The following P3H2 variants were observed in gnomAD, a reference collection of about 807,000 sequenced individuals.
P3H2 encodes the protein leprecan-like 1.
Under a neutral mutation model 87.0 loss-of-function variants are expected in P3H2, and 80 were observed. That is an observed-to-expected ratio of 0.92 (90% CI 0.77 to 1.11). The LOEUF (loss-of-function observed/expected upper bound fraction) is 1.11. Among genes scored for constraint, P3H2 ranks in the 50% least tolerant of loss-of-function variants. P3H2 has a pLI of 0.00. For missense variants in P3H2, 1,001 were observed against 923.9 expected (o/e 1.08, Z -1.08); for synonymous variants, 367 against 359.3 (o/e 1.02, Z -0.24).
chr3:190,004,445 G>C (rs191112305), intron 1 of P3H2, among the ~76,000 whole-genome samples: 3,211 of 152,112 alleles, frequency 0.021, 115 homozygotes, highest in African/African-American at 0.072. Flanking sequence ...TGCAGTGGCG[G>C]GATCTCGGCT....
intron 1 of P3H2, among the ~76,000 whole-genome samples, chr3:190,010,535 CA>C (rs146482183): frequency 0.038 from 5,766 of 152,000 alleles, 326 homozygotes; most frequent in African/African-American, 0.12. Context: ...AGAGAGACAC[CA>C]GGAGAACGAG....
Position 189,962,195 on chromosome 3 carries a change from T to TCTC in P3H2, c.2034+1760_2034+1762dup, listed in dbSNP as rs1398095248. On this transcript the variant is annotated intron_variant, in intron 14 of 14. Transcript: ENST00000319332. ...TTTTTTTTTTTTTTTTAAGACAGAG[T>TCTC]CTCACTCTTGTCGCCCAGGTTACAG... Among the ~76,000 whole-genome samples the TCTC allele has an allele frequency of 4.1e-5, 5 of 122,724 alleles. No individual in the cohort carries two copies. The Admixed American group carries it at 4.7e-4, about 12-fold the overall frequency. 80.5% of individuals were successfully genotyped at this position (122,724 alleles called of 152,430 possible). A position where few individuals can be genotyped will look rare whatever the true frequency, so the allele number is the denominator to read the frequency against.
intron 3 of P3H2, 113 bp from the exon 4 acceptor site, chr3:189,989,151 A>C: frequency 2.4e-6 from 3 of 1,259,480 alleles, no homozygotes; most frequent in Non-Finnish European, 3.4e-6. Flanking sequence ...TGGAAGACCA[A>C]ATTATTATAA....
At chr3:190,019,785 A>AAAAAATATAT (rs1219688564) in intron 1 of P3H2, among the ~76,000 whole-genome samples, 2 of 37,390 alleles carry the variant, frequency 5.3e-5, no homozygotes, top group African/African-American at 1.3e-4. Flanking sequence ...GAAATTAAAA[A>AAAAAATATAT]ATATATATAT....
chr3:190,119,415 CTCAT>C (rs1482014164), intron 1 of P3H2, among the ~76,000 whole-genome samples: 1 of 152,138 alleles, frequency 6.6e-6, no homozygotes, highest in East Asian at 1.9e-4. Context: ...GGTTGAAGAA[CTCAT>C]TCAAATTCCC....
At chr3:190,081,250 G>C (rs1727032686) in intron 1 of P3H2, among the ~76,000 whole-genome samples, 2 of 152,142 alleles carry the variant, frequency 1.3e-5, no homozygotes, top group Admixed American at 1.3e-4. Flanking sequence ...TGGAAGCCTA[G>C]AAATAAAATA....
intron 3 of P3H2, 78 bp from the exon 4 acceptor site, chr3:189,989,116 C>T: frequency 1.3e-6 from 2 of 1,550,172 alleles, no homozygotes; most frequent in Non-Finnish European, 8.9e-7. Flanking sequence ...CACAGTTACA[C>T]AGGTCATTCC....
At chr3:190,111,157 C>G (rs1215490703) in intron 1 of P3H2, among the ~76,000 whole-genome samples, 1 of 152,152 alleles carries the variant, frequency 6.6e-6, no homozygotes, top group Admixed American at 6.5e-5. Flanking sequence ...TCTGAGTTTT[C>G]CCCAGAAGTA....
intron 1 of P3H2, among the ~76,000 whole-genome samples, chr3:190,025,952 G>A (rs1056117312): frequency 5.3e-5 from 8 of 152,100 alleles, no homozygotes; most frequent in African/African-American, 1.9e-4. Context: ...ATAAGTGTTT[G>A]TCTTTAGTAA....
At chr3:189,989,763 T>C (rs1723821844) in intron 3 of P3H2, among the ~76,000 whole-genome samples, 1 of 152,116 alleles carries the variant, frequency 6.6e-6, no homozygotes, top group Non-Finnish European at 1.5e-5. Context: ...CTATTTCTCT[T>C]CACTCCCCTT....
intron 1 of P3H2, among the ~76,000 whole-genome samples, chr3:190,074,019 C>T (rs1726789233): frequency 6.6e-6 from 1 of 152,144 alleles, no homozygotes; most frequent in Admixed American, 6.5e-5. Context: ...GAAATACTCT[C>T]GTATCAGTAA....
chr3:190,106,340 A>G (rs546267256), intron 1 of P3H2, among the ~76,000 whole-genome samples: 2 of 152,272 alleles, frequency 1.3e-5, no homozygotes, highest in South Asian at 4.1e-4. Context: ...AGTCTGTGCT[A>G]CAGTGCGCAG....
At chr3:190,011,272 CAA>C (rs35396025) in intron 1 of P3H2, among the ~76,000 whole-genome samples, 12 of 107,164 alleles carry the variant, frequency 1.1e-4, no homozygotes, top group Admixed American at 2.0e-4. Flanking sequence ...ACTCCATCTC[CAA>C]AAAAAAAAAA....
Position 190,120,805 on chromosome 3 carries a change from C to T in P3H2, c.-74G>A. 1 of 1,481,900 alleles carries T rather than the reference C, an allele frequency of 6.7e-7. No homozygotes were observed. The highest frequency in any genetic ancestry group is 1.3e-5 in the South Asian group (1 of 78,882). The allele number at this position is 1,481,900 out of a possible 1,614,324, so 91.8% of individuals were successfully genotyped here. A position where few individuals can be genotyped will look rare whatever the true frequency, so the allele number is the denominator to read the frequency against. ...GGCACCTCGCGTCCGGGTCCCCTCT[C>T]CCACCTTCCCTCGGGGAAGCGCGCC... On this transcript the variant is annotated 5_prime_UTR_variant, in exon 1 of 15. Coordinates refer to ENST00000319332, the MANE Select transcript of P3H2 (RefSeq NM_018192.4).
chr3:190,099,104 A>G (rs1229623582), intron 1 of P3H2, among the ~76,000 whole-genome samples: 2 of 152,196 alleles, frequency 1.3e-5, no homozygotes, highest in Non-Finnish European at 2.9e-5. Context: ...AACAAATACT[A>G]GATCTAAAAG....
At chr3:190,015,332 G>A (rs907629299) in intron 1 of P3H2, among the ~76,000 whole-genome samples, 1 of 152,104 alleles carries the variant, frequency 6.6e-6, no homozygotes, top group African/African-American at 2.4e-5. Flanking sequence ...TAAATTCTAA[G>A]AATTAAAGGC....
In P3H2 at chr3:189,982,632, A is replaced by C. The variant is rs143904381; in HGVS notation, c.1324+414T>G. ...TATGTGCTTCAAGCATCTAAGGTTA[A>C]CTAATCTAATATCCCATGTGGCTGG... On this transcript the variant is annotated intron_variant, in intron 8 of 14. Transcript: ENST00000319332. Among the ~76,000 whole-genome samples, 1,235 of 152,234 alleles carry C rather than the reference A, an allele frequency of 8.1e-3. 18 individuals carry two copies. The highest frequency in any genetic ancestry group is 0.028 in the African/African-American group (1,175 of 41,538).
chr3:189,958,655 C>CCCAGATATTGCCAAATGT (rs1227498369), intron 14 of P3H2, among the ~76,000 whole-genome samples: 1 of 151,824 alleles, frequency 6.6e-6, no homozygotes, highest in Non-Finnish European at 1.5e-5. Context: ...CCCACCAACC[C>CCCAGATATTGCCAAATGT]CCAGATATTG....
At chr3:190,119,889 G>T (rs1712466171) in intron 1 of P3H2, among the ~76,000 whole-genome samples, 3 of 152,076 alleles carry the variant, frequency 2.0e-5, no homozygotes, top group Admixed American at 1.3e-4. Flanking sequence ...AGAGAAATGG[G>T]AAGTGAGAAG....
Sources: allele counts gnomAD v4.1 joint callset (sites outside exome capture counted in the v4.1 genomes callset), GRCh38; gene constraint gnomAD v4.1.1; transcripts MANE v1.5; gene names NCBI Gene and HGNC (gene_info 2026-07-23, HGNC 2026-07-21).